The following VSTM1 variants were observed in gnomAD, a reference collection of about 807,000 sequenced individuals.
The protein encoded by VSTM1 is V-set and transmembrane domain-containing protein 1.
Under a neutral mutation model 33.1 loss-of-function variants are expected in VSTM1, and 27 were observed. The ratio of observed to expected loss-of-function variants is 0.82; its 90% confidence interval spans 0.60 to 1.12. VSTM1 has a LOEUF of 1.12. VSTM1 is among the 50% of genes most tolerant of loss of function. VSTM1 has a pLI of 0.00. For missense variants in VSTM1, 304 were observed against 288.9 expected (o/e 1.05, Z -0.38); for synonymous variants, 115 against 110.3 (o/e 1.04, Z -0.27).
intron 1 of VSTM1, among the ~76,000 whole-genome samples, chr19:54,062,770 G>A (rs1172871792): frequency 6.6e-6 from 1 of 150,656 alleles, no homozygotes; most frequent in Non-Finnish European, 1.5e-5. Flanking sequence ...TGTAGGAGAC[G>A]AGCATTACCC....
intron 4 of VSTM1, among the ~76,000 whole-genome samples, chr19:54,046,628 T>C (rs551218325): frequency 1.3e-5 from 2 of 152,200 alleles, no homozygotes; most frequent in South Asian, 4.2e-4. Context: ...TTATGCATTC[T>C]AGATCGTGGC....
intron 6 of VSTM1, 85 bp from the exon 7 acceptor site, chr19:54,042,038 A>C (rs1416062740): frequency 6.2e-7 from 1 of 1,605,160 alleles, no homozygotes; most frequent in Non-Finnish European, 8.5e-7. Context: ...AGGAAGGGAG[A>C]AGAAGGGAGA....
At chr19:54,059,720 C>T (rs552049474) in intron 1 of VSTM1, among the ~76,000 whole-genome samples, 1 of 152,078 alleles carries the variant, frequency 6.6e-6, no homozygotes, top group African/African-American at 2.4e-5. Context: ...GTGATCCACC[C>T]GCCTCAGCCT....
Position 54,041,784 on chromosome 19 carries a change from G to T in VSTM1, c.586C>A (p.Leu196Ile), listed in dbSNP as rs141064630. The change falls in exon 8 of 9, where the codon CTC (leucine) becomes ATC (isoleucine). Residue 196 changes from leucine (L) to isoleucine (I), a missense_variant. Physicochemically the swap from Leu to Ile is conservative, Grantham distance 5 (BLOSUM62 2). Coordinates refer to ENST00000338372, the MANE Select transcript of VSTM1 (RefSeq NM_198481.4). ...TCCTAAGCGGGAGGACTCACCGAGA[G>T]AGATACCCTTTCCATATTGGATAAA... is the stretch of plus-strand genomic sequence containing the variant. ...ADLSNMERVS[L>I]STADPQGVTY... is the part of the protein sequence containing the mutation. The T allele has an allele frequency of 6.2e-7, 1 of 1,613,602 alleles. No individual in the cohort carries two copies. The highest frequency in any genetic ancestry group is 8.5e-7 in the Non-Finnish European group (1 of 1,179,912).
rs1244332358 is a variant in VSTM1, at chr19:54,040,927, C to G, written c.*34G>C. ...TTCCGATAACCTTGGCCAGCACGAT[C>G]CCCCCTCCTTTAGTGGCCAGGGCTG... On this transcript the variant is annotated 3_prime_UTR_variant, in exon 9 of 9. Transcript: ENST00000338372. 1.9e-6 allele frequency: 3 copies of G among 1,602,488 alleles called. No individual in the cohort carries two copies. Among genetic ancestry groups the G allele is most frequent in the Non-Finnish European group, 2.6e-6 (3 of 1,174,872 alleles).
At position 54,052,356 on chromosome 19, in the gene VSTM1, C is replaced by T. The variant is rs1231509312; in HGVS notation, c.356-908G>A. On this transcript the variant is annotated intron_variant, in intron 3 of 8. Coordinates refer to ENST00000338372, the MANE Select transcript of VSTM1 (RefSeq NM_198481.4). Reference sequence around the variant, plus strand: ...GAGCTTGCAGTGAGCCGAGATCGCGCCACTGCACTCCAGCCTGAGGGACAG... The same window carrying T: ...GAGCTTGCAGTGAGCCGAGATCGCGTCACTGCACTCCAGCCTGAGGGACAG... Among the ~76,000 whole-genome samples, 2 of 141,726 alleles carry T rather than the reference C, an allele frequency of 1.4e-5. 1 individual carries two copies. The highest frequency in any genetic ancestry group is 5.2e-5 in the African/African-American group (2 of 38,424). The allele number at this position is 141,726 out of a possible 152,430, so 93.0% of individuals were successfully genotyped here. A position where few individuals can be genotyped will look rare whatever the true frequency, so the allele number is the denominator to read the frequency against.
intron 4 of VSTM1, among the ~76,000 whole-genome samples, chr19:54,049,595 C>G (rs920065244): frequency 6.6e-5 from 10 of 152,176 alleles, no homozygotes; most frequent in Non-Finnish European, 1.5e-4. Flanking sequence ...TCACACCTCA[C>G]TAGATCTCCC....
rs370401865 is a variant in VSTM1, at chr19:54,041,753, T to A, written c.591+26A>T. 202 of 1,611,280 alleles carry A rather than the reference T, an allele frequency of 1.3e-4. No homozygotes were observed. In the African/African-American group the frequency reaches 2.2e-3, roughly 17 times the overall value. ...GCCCATTGTGGTGAGGGAGCTCTTG[T>A]GGGACTCCTAAGCGGGAGGACTCAC... On this transcript the variant is annotated intron_variant, in intron 8 of 8. Transcript: ENST00000338372.
At position 54,051,228 on chromosome 19, in the gene VSTM1, G is replaced by T. The variant is rs193131357; in HGVS notation, c.394+182C>A. ...AATTGCTTGAATCCGGGAGGCGAAG[G>T]TTGCAGTGAGCTGAGATTGCGCCAC... On this transcript the variant is annotated intron_variant, in intron 4 of 8. Coordinates refer to ENST00000338372, the MANE Select transcript of VSTM1 (RefSeq NM_198481.4). 3.9e-5 allele frequency among the ~76,000 whole-genome samples: 6 copies of T among 152,282 alleles called. No individual in the cohort carries two copies. The East Asian group carries it at 5.8e-4, about 15-fold the overall frequency.
chr19:54,052,702 C>T (rs535243670), intron 3 of VSTM1, among the ~76,000 whole-genome samples: 3 of 142,318 alleles, frequency 2.1e-5, no homozygotes, highest in African/African-American at 7.8e-5. Context: ...TGGATCAAAT[C>T]ATCAGATTGT....
Position 54,054,196 on chromosome 19 carries a change from G to A in VSTM1, c.356-2748C>T, listed in dbSNP as rs536060393. On this transcript the variant is annotated intron_variant, in intron 3 of 8. Coordinates refer to ENST00000338372, the MANE Select transcript of VSTM1 (RefSeq NM_198481.4). Reference sequence around the variant, plus strand: ...TTGATACTATAGCCTGTCTTGTGATGTAATGGTACAGCTGCGATAGAGGTG... The same window carrying A: ...TTGATACTATAGCCTGTCTTGTGATATAATGGTACAGCTGCGATAGAGGTG... 1.3e-4 allele frequency among the ~76,000 whole-genome samples: 18 copies of A among 142,500 alleles called. 2 individuals carry two copies. In the South Asian group the frequency reaches 4.2e-3, roughly 33 times the overall value. The allele number at this position is 142,500 out of a possible 152,430, so 93.5% of individuals were successfully genotyped here.
chr19:54,060,063 A>G (rs899538630), intron 1 of VSTM1, among the ~76,000 whole-genome samples: 1 of 149,824 alleles, frequency 6.7e-6, no homozygotes, highest in African/African-American at 2.5e-5. Flanking sequence ...TGTGTTAGCC[A>G]GGATGGTCTT....
intron 4 of VSTM1, among the ~76,000 whole-genome samples, chr19:54,045,788 T>C (rs1402782328): frequency 1.3e-5 from 2 of 152,158 alleles, no homozygotes; most frequent in African/African-American, 4.8e-5. Flanking sequence ...TCTGTATATC[T>C]ATCTATCTAT....
intron 3 of VSTM1, among the ~76,000 whole-genome samples, chr19:54,056,568 A>C (rs1232352658): frequency 7.2e-6 from 1 of 139,352 alleles, no homozygotes; most frequent in Non-Finnish European, 1.6e-5. Flanking sequence ...GCTCTGGTCC[A>C]CAGTTCTTCC....
At chr19:54,047,088 GGGA>G (rs1481903861) in intron 4 of VSTM1, among the ~76,000 whole-genome samples, 1 of 152,076 alleles carries the variant, frequency 6.6e-6, no homozygotes, top group Admixed American at 6.6e-5. Flanking sequence ...CCAGCTATTT[GGGA>G]GGCTGAGGCA....
At chr19:54,045,821 C>G (rs2070554623) in intron 4 of VSTM1, among the ~76,000 whole-genome samples, 1 of 152,022 alleles carries the variant, frequency 6.6e-6, no homozygotes. Context: ...ATCTAGCTAC[C>G]TAGTTACCTA....
At chr19:54,048,172 G>A (rs1448427311) in intron 4 of VSTM1, among the ~76,000 whole-genome samples, 1 of 152,120 alleles carries the variant, frequency 6.6e-6, no homozygotes, top group Non-Finnish European at 1.5e-5. Context: ...CTGGAGTGCT[G>A]TGGCGCAATC....
intron 1 of VSTM1, among the ~76,000 whole-genome samples, chr19:54,062,433 G>A (rs924627702): frequency 6.6e-6 from 1 of 151,900 alleles, no homozygotes; most frequent in Non-Finnish European, 1.5e-5. Context: ...CATCTCTAAG[G>A]CACAAATAGC....
At chr19:54,042,819 T>TATAC (rs1555752499) in intron 4 of VSTM1, among the ~76,000 whole-genome samples, 7 of 50,318 alleles carry the variant, frequency 1.4e-4, no homozygotes, top group African/African-American at 4.5e-4. Context: ...TATATATATA[T>TATAC]ATATATATAT....
Sources: allele counts gnomAD v4.1 joint callset (sites outside exome capture counted in the v4.1 genomes callset), GRCh38; gene constraint gnomAD v4.1.1; transcripts MANE v1.5; gene names NCBI Gene and HGNC (gene_info 2026-07-23, HGNC 2026-07-21).